Variants in CFAP299 observed in about 807,000 individuals in gnomAD.
CFAP299 encodes the protein cilia- and flagella-associated protein 299.
CFAP299 carries 21 observed loss-of-function variants against 27.0 expected under a neutral mutation model. The ratio of observed to expected loss-of-function variants is 0.78; its 90% CI spans 0.55 to 1.12. CFAP299 has a LOEUF of 1.12. Among genes scored for constraint, CFAP299 ranks in the 50% most tolerant of loss-of-function variants. The pLI is 0.00. For synonymous variants in CFAP299, 104 were observed against 98.1 expected (o/e 1.06, Z -0.36); for missense variants, 310 against 276.6 (o/e 1.12, Z -0.86).
intron 2 of CFAP299, among the ~76,000 whole-genome samples, chr4:80,372,914 C>T (rs1003114282): frequency 3.3e-5 from 5 of 152,148 alleles, no homozygotes; most frequent in African/African-American, 7.2e-5. Flanking sequence ...AACTTATTCA[C>T]GAAATCAATA....
intron 3 of CFAP299, among the ~76,000 whole-genome samples, chr4:80,764,818 A>T (rs866591321): frequency 6.6e-6 from 1 of 151,966 alleles, no homozygotes; most frequent in Admixed American, 6.6e-5. Flanking sequence ...GTTGAAAACG[A>T]TCAGCAAACT....
At chr4:80,430,075 C>T (rs1227429155) in intron 2 of CFAP299, among the ~76,000 whole-genome samples, 2 of 151,948 alleles carry the variant, frequency 1.3e-5, no homozygotes, top group African/African-American at 4.8e-5. Context: ...TATGACTATA[C>T]AGTATTTTCC....
chr4:80,358,529 C>G (rs748748944), intron 1 of CFAP299, among the ~76,000 whole-genome samples: 5 of 151,996 alleles, frequency 3.3e-5, no homozygotes, highest in Non-Finnish European at 7.4e-5. Context: ...CTTGTGTGCA[C>G]ATATATTTCG....
chr4:80,647,379 A>C (rs1320906811), intron 3 of CFAP299, among the ~76,000 whole-genome samples: 1 of 152,206 alleles, frequency 6.6e-6, no homozygotes, highest in East Asian at 1.9e-4. Context: ...TAATGTTTTA[A>C]TGGCAAGTAG....
At chr4:80,861,150 A>T (rs1455450422) in intron 3 of CFAP299, among the ~76,000 whole-genome samples, 1 of 152,118 alleles carries the variant, frequency 6.6e-6, no homozygotes, top group Admixed American at 6.5e-5. Flanking sequence ...GCCACCTTGC[A>T]GTTTGATCTC....
At chr4:80,340,058 A>G (rs372883120) in intron 1 of CFAP299, among the ~76,000 whole-genome samples, 20 of 152,204 alleles carry the variant, frequency 1.3e-4, no homozygotes, top group East Asian at 3.8e-4. Flanking sequence ...ACTAGAAGCA[A>G]CTGCAGTCCA....
At chr4:80,402,053 A>G (rs188123225) in intron 2 of CFAP299, among the ~76,000 whole-genome samples, 94 of 152,282 alleles carry the variant, frequency 6.2e-4, no homozygotes, top group African/African-American at 2.2e-3. Flanking sequence ...TGGAATGGCA[A>G]TATTTACCCA....
At chr4:80,450,415 AT>A (rs1728841896) in intron 2 of CFAP299, among the ~76,000 whole-genome samples, 1 of 152,186 alleles carries the variant, frequency 6.6e-6, no homozygotes, top group African/African-American at 2.4e-5. Flanking sequence ...TTAATATCAC[AT>A]TGCTTAGAAT....
chr4:80,501,253 G>A (rs558942646), intron 2 of CFAP299, among the ~76,000 whole-genome samples: 23 of 151,552 alleles, frequency 1.5e-4, no homozygotes, highest in Non-Finnish European at 3.0e-5. Context: ...TTAAATGATT[G>A]GAAACAAAAA....
At chr4:80,662,754 A>T (rs532200880) in intron 3 of CFAP299, among the ~76,000 whole-genome samples, 1 of 152,272 alleles carries the variant, frequency 6.6e-6, no homozygotes, top group Non-Finnish European at 1.5e-5. Flanking sequence ...AGTGTGAAAG[A>T]ATGGGTGTCC....
intron 3 of CFAP299, among the ~76,000 whole-genome samples, chr4:80,724,507 C>A (rs571958722): frequency 1.3e-3 from 195 of 152,118 alleles, no homozygotes; most frequent in African/African-American, 3.9e-3. Context: ...TAACTCAAAG[C>A]AACTATAGCC....
At chr4:80,459,221 C>T (rs1729319489) in intron 2 of CFAP299, among the ~76,000 whole-genome samples, 1 of 152,106 alleles carries the variant, frequency 6.6e-6, no homozygotes, top group Non-Finnish European at 1.5e-5. Context: ...AACTCCTGGC[C>T]TCTAGCAGTC....
intron 2 of CFAP299, among the ~76,000 whole-genome samples, chr4:80,394,621 C>G (rs1725678208): frequency 6.6e-6 from 1 of 152,070 alleles, no homozygotes; most frequent in African/African-American, 2.4e-5. Context: ...ATATAAAGGT[C>G]TAATTTCATT....
intron 5 of CFAP299, among the ~76,000 whole-genome samples, chr4:80,951,744 G>T (rs1011425862): frequency 1.3e-5 from 2 of 152,128 alleles, no homozygotes; most frequent in Admixed American, 1.3e-4. Flanking sequence ...CAGTACTATT[G>T]TCTTAGCTGT....
rs869288835 is a variant in CFAP299 at position 80,554,505 on chromosome 4, G to GTTT, written c.243-28571_243-28569dup. Among the ~76,000 whole-genome samples, 117 of 108,716 alleles carry GTTT rather than the reference G, an allele frequency of 1.1e-3. 2 individuals carry two copies. Among genetic ancestry groups the GTTT allele is most frequent in the African/African-American group, 3.2e-3 (89 of 27,714 alleles). The allele number at this position is 108,716 out of a possible 152,430, so 71.3% of individuals were successfully genotyped here. A position where few individuals can be genotyped will look rare whatever the true frequency, so the allele number is the denominator to read the frequency against. ...TTGAGTCTATATACGTTTTCCACTA[G>GTTT]TTTTTTTTTTTTTTTTTTTGTCATG... On this transcript the variant is annotated intron_variant, in intron 2 of 5. Coordinates refer to ENST00000358105, the MANE Select transcript of CFAP299 (RefSeq NM_152770.3).
intron 2 of CFAP299, among the ~76,000 whole-genome samples, chr4:80,545,235 A>G (rs1363513334): frequency 1.3e-5 from 2 of 151,970 alleles, no homozygotes; most frequent in Non-Finnish European, 2.9e-5. Flanking sequence ...CTAAACACCT[A>G]TGTTAAAAAG....
At chr4:80,845,142 GT>G (rs1196183838) in intron 3 of CFAP299, among the ~76,000 whole-genome samples, 1 of 152,144 alleles carries the variant, frequency 6.6e-6, no homozygotes, top group African/African-American at 2.4e-5. Context: ...GTACCATGCT[GT>G]TTTGGTTACT....
chr4:80,799,677 A>AAAATATATAT (rs1560417099), intron 3 of CFAP299, among the ~76,000 whole-genome samples: 414 of 39,154 alleles, frequency 0.011, 87 homozygotes, highest in East Asian at 0.046. Context: ...ATAAATATAT[A>AAAATATATAT]TTTATAAATA....
chr4:80,903,299 C>T (rs1447685254), intron 4 of CFAP299, among the ~76,000 whole-genome samples: 1 of 151,824 alleles, frequency 6.6e-6, no homozygotes, highest in African/African-American at 2.4e-5. Flanking sequence ...TCAAAAAGAG[C>T]CTAAAATTCC....
Sources: allele counts gnomAD v4.1 joint callset (sites outside exome capture counted in the v4.1 genomes callset), GRCh38; gene constraint gnomAD v4.1.1; transcripts MANE v1.5; gene names NCBI Gene and HGNC (gene_info 2026-07-23, HGNC 2026-07-21).